Variants in FAIM2 observed in about 807,000 individuals in gnomAD.
The protein encoded by FAIM2 is Fas apoptotic inhibitory molecule 2.
Under a neutral mutation model 47.4 loss-of-function variants are expected in FAIM2, and 27 were observed. That is an observed-to-expected ratio of 0.57 (90% CI 0.42 to 0.78). The LOEUF (loss-of-function observed/expected upper bound fraction) is 0.78, where lower values mean the gene tolerates loss of function less well. FAIM2 is among the 30% of genes least tolerant of loss of function. FAIM2 has a pLI of 0.00. For synonymous variants in FAIM2, 156 were observed against 159.3 expected (o/e 0.98, Z 0.16); for missense variants, 311 against 389.4 (o/e 0.80, Z 1.69).
In FAIM2 at chr12:49,870,301, G is replaced by A; in HGVS notation, c.*203C>T. On this transcript the variant is annotated 3_prime_UTR_variant, in exon 12 of 12. Coordinates refer to ENST00000320634, the MANE Select transcript of FAIM2 (RefSeq NM_012306.4). ...GTAACGGGCGAATGGGGCGGCACAGGGATTGACGTGGCCTCAGTTCCTCAG... is the reference window on the plus strand; with the variant it reads ...GTAACGGGCGAATGGGGCGGCACAGAGATTGACGTGGCCTCAGTTCCTCAG... 1 of 545,598 alleles carries A rather than the reference G, an allele frequency of 1.8e-6. No individual in the cohort carries two copies. The allele number at this position is 545,598 out of a possible 1,614,324, so 33.8% of individuals were successfully genotyped here. A position where few individuals can be genotyped will look rare whatever the true frequency, so the allele number is the denominator to read the frequency against.
At position 49,897,687 on chromosome 12, in the gene FAIM2, A is replaced by C. The variant is rs139596566; in HGVS notation, c.316-104T>G. On this transcript the variant is annotated intron_variant, in intron 3 of 11. Coordinates refer to ENST00000320634, the MANE Select transcript of FAIM2 (RefSeq NM_012306.4). ...TCCAGGTCCCCATCCTGTGCACTCC[A>C]CCCTCCTTTTTGGGGGTCATTGGAG... 7.0e-5 allele frequency: 57 copies of C among 817,758 alleles called. No individual in the cohort carries two copies. In the East Asian group the frequency reaches 1.4e-3, roughly 20 times the overall value. 50.7% of individuals were successfully genotyped at this position (817,758 alleles called of 1,614,324 possible). A position where few individuals can be genotyped will look rare whatever the true frequency, so the allele number is the denominator to read the frequency against.
In FAIM2 at chr12:49,889,191, G is replaced by A. The variant is rs200316208; in HGVS notation, c.663C>T (p.Thr221=). Residue 221 remains threonine (T), a synonymous_variant, in exon 10 of 12, where the codon ACC becomes ACT. Coordinates refer to ENST00000320634, the MANE Select transcript of FAIM2 (RefSeq NM_012306.4). ...VFSFQTKFDF[T]SCQGVLFVLL... ...GCACGAAGAGCACGCCCTGGCAGGA[G>A]GTGAAGTCGAACTGTGGGGACAGGA... 4 of 1,610,600 alleles carry A rather than the reference G, an allele frequency of 2.5e-6. No homozygotes were observed. Among genetic ancestry groups the A allele is most frequent in the Non-Finnish European group, 3.4e-6 (4 of 1,178,534 alleles).
chr12:49,872,598 C>G (rs1946710864), intron 11 of FAIM2, among the ~76,000 whole-genome samples: 1 of 152,168 alleles, frequency 6.6e-6, no homozygotes, highest in Non-Finnish European at 1.5e-5. Flanking sequence ...CAATGCTCCC[C>G]CCGGCAGGCC....
In FAIM2 at chr12:49,868,192, T is replaced by A. The variant is rs1315473938; in HGVS notation, c.*2312A>T. The A allele has an allele frequency of 1.3e-5, 2 of 152,220 alleles. No homozygotes were observed. Among genetic ancestry groups the A allele is most frequent in the African/African-American group, 4.8e-5 (2 of 41,392 alleles). The allele number at this position is 152,220 out of a possible 1,614,324, so 9.4% of individuals were successfully genotyped here. On this transcript the variant is annotated 3_prime_UTR_variant, in exon 12 of 12. Coordinates refer to ENST00000320634, the MANE Select transcript of FAIM2 (RefSeq NM_012306.4). ...GGTGCTGGGGCTAACCCTCTGGAAC[T>A]GAGGCCAGAGATGAGGAGAGGAAAC...
chr12:49,871,287 C>G (rs1387291541), intron 11 of FAIM2, among the ~76,000 whole-genome samples: 1 of 152,246 alleles, frequency 6.6e-6, no homozygotes, highest in Admixed American at 6.5e-5. Flanking sequence ...CCTGAGCAGG[C>G]CGGCTTCGGA....
intron 8 of FAIM2, 41 bp from the exon 9 acceptor site, chr12:49,889,609 C>A: frequency 6.5e-7 from 1 of 1,540,472 alleles, no homozygotes; most frequent in Non-Finnish European, 9.0e-7. Flanking sequence ...TCAGGCAGGG[C>A]ATCTGGTCTC....
intron 3 of FAIM2, 83 bp from the exon 4 acceptor site, chr12:49,897,666 G>A: frequency 3.9e-6 from 4 of 1,027,930 alleles, no homozygotes; most frequent in Non-Finnish European, 6.0e-6. Context: ...CACCTCTCCA[G>A]GTCCCCATCC....
intron 11 of FAIM2, among the ~76,000 whole-genome samples, chr12:49,880,500 G>GTA (rs1946809918): frequency 6.6e-6 from 1 of 150,648 alleles, no homozygotes; most frequent in Non-Finnish European, 1.5e-5. Flanking sequence ...GTGTATGTGT[G>GTA]TGTATGAGTG....
At chr12:49,880,159 CATGTGTGT>C (rs1193813601) in intron 11 of FAIM2, among the ~76,000 whole-genome samples, 12 of 42,016 alleles carry the variant, frequency 2.9e-4, no homozygotes, top group Non-Finnish European at 3.7e-4. Flanking sequence ...TATGTGTGTG[CATGTGTGT>C]ATGTGTGTGT....
chr12:49,887,535 G>A (rs1175220103), intron 10 of FAIM2, 96 bp from the exon 11 acceptor site: 7 of 1,084,726 alleles, frequency 6.5e-6, no homozygotes, highest in Non-Finnish European at 9.7e-6. Context: ...GAGGACACGG[G>A]GTAGCCCTGC....
intron 2 of FAIM2, among the ~76,000 whole-genome samples, chr12:49,899,201 A>G (rs563899727): frequency 1.3e-5 from 2 of 152,190 alleles, no homozygotes; most frequent in African/African-American, 2.4e-5. Flanking sequence ...ATGAAAGCCT[A>G]TGCTCTCTGG....
intron 11 of FAIM2, 121 bp from the exon 12 acceptor site, chr12:49,870,774 G>C: frequency 2.2e-6 from 2 of 913,610 alleles, no homozygotes; most frequent in East Asian, 5.2e-5. Context: ...CCAGCTGCCT[G>C]ACTACCCAGT....
intron 11 of FAIM2, among the ~76,000 whole-genome samples, chr12:49,876,638 G>T (rs73293430): frequency 0.016 from 2,445 of 152,122 alleles, 65 homozygotes; most frequent in African/African-American, 0.055. Flanking sequence ...CGGGCGTGGT[G>T]GTGCACGCCT....
intron 11 of FAIM2, among the ~76,000 whole-genome samples, chr12:49,884,339 G>A (rs968898397): frequency 6.6e-6 from 1 of 152,124 alleles, no homozygotes; most frequent in Non-Finnish European, 1.5e-5. Context: ...GTGAGTGGAG[G>A]TTCTCTTAAA....
At chr12:49,901,568 T>A in intron 1 of FAIM2, 1 of 403,308 alleles carries the variant, frequency 2.5e-6, no homozygotes, top group Non-Finnish European at 4.3e-6. Flanking sequence ...AGAAAATTCT[T>A]AGGAGTGTCC....
At position 49,903,843 on chromosome 12, in the gene FAIM2, T is replaced by TA; in HGVS notation, c.-52dup. 6.6e-7 allele frequency: 1 copy of TA among 1,506,330 alleles called. No individual in the cohort carries two copies. The highest frequency in any genetic ancestry group is 1.4e-5 in the African/African-American group (1 of 71,540). The allele number at this position is 1,506,330 out of a possible 1,614,324, so 93.3% of individuals were successfully genotyped here. ...CCTGAGGCCCGGGTGGCCGCTTGGGTAACCGCAGCCTGCCTGCGTCTCTTC... is the reference window on the plus strand; with the variant it reads ...CCTGAGGCCCGGGTGGCCGCTTGGGTAAACCGCAGCCTGCCTGCGTCTCTTC... On this transcript the variant is annotated 5_prime_UTR_variant, in exon 1 of 12. Coordinates refer to ENST00000320634, the MANE Select transcript of FAIM2 (RefSeq NM_012306.4).
intron 2 of FAIM2, among the ~76,000 whole-genome samples, chr12:49,900,815 G>GTTCT (rs954285292): frequency 1.3e-5 from 2 of 151,966 alleles, no homozygotes; most frequent in African/African-American, 2.4e-5. Context: ...TTTTCTAGGA[G>GTTCT]TTCTTTCTTA....
chr12:49,872,671 G>A (rs561073730), intron 11 of FAIM2, among the ~76,000 whole-genome samples: 128 of 152,180 alleles, frequency 8.4e-4, no homozygotes, highest in Non-Finnish European at 1.5e-3. Flanking sequence ...CAGGGCCACC[G>A]TCAAAGGTGA....
At chr12:49,900,265 G>C (rs1168149110) in intron 2 of FAIM2, 5 of 1,256,130 alleles carry the variant, frequency 4.0e-6, no homozygotes, top group African/African-American at 3.1e-5. Flanking sequence ...ATGAGCAGAG[G>C]CTCTGTCTGG....
Sources: allele counts gnomAD v4.1 joint callset (sites outside exome capture counted in the v4.1 genomes callset), GRCh38; gene constraint gnomAD v4.1.1; transcripts MANE v1.5; gene names NCBI Gene and HGNC (gene_info 2026-07-23, HGNC 2026-07-21).